The following ADGRL2 variants were observed in gnomAD, a reference collection of about 807,000 sequenced individuals.
ADGRL2 encodes adhesion G protein-coupled receptor L2.
Under a neutral mutation model 157.4 loss-of-function variants are expected in ADGRL2, and 44 were observed. The observed-to-expected ratio is 0.28, with a 90% CI of 0.22 to 0.36. The LOEUF is 0.36. Ranked by LOEUF, ADGRL2 falls within the 10% of genes least tolerant of loss-of-function variation. The pLI is 1.00. For synonymous variants in ADGRL2, 585 were observed against 624.7 expected (o/e 0.94, Z 0.95); for missense variants, 1,510 against 1,768.9 (o/e 0.85, Z 2.63).
At chr1:81,696,795 A>G (rs1416825850), upstream of ADGRL2, among the ~76,000 whole-genome samples, 1 of 152,130 alleles carries the variant, frequency 6.6e-6, no homozygotes, top group African/African-American at 2.4e-5. Context: ...AGAGGAGTTG[A>G]TGTTAACTCG....
intron 2 of ADGRL2, among the ~76,000 whole-genome samples, chr1:81,901,759 T>C (rs2094491899): frequency 6.6e-6 from 1 of 152,178 alleles, no homozygotes. Context: ...TATTAAAGGC[T>C]TTTCAAAGTT....
chr1:81,589,636 A>G (rs2081093942), intron 3 of ADGRL2, among the ~76,000 whole-genome samples: 1 of 152,216 alleles, frequency 6.6e-6, no homozygotes, highest in South Asian at 2.1e-4. Flanking sequence ...GTGCAGATAG[A>G]GGACCTTCAC....
chr1:81,987,262 G>A (rs371107201), intron 22 of ADGRL2: 1 of 1,572,318 alleles, frequency 6.4e-7, no homozygotes, highest in Non-Finnish European at 8.7e-7. Flanking sequence ...TAACACAGGT[G>A]GCATAAATCT....
chr1:81,691,626 G>T (rs779668858), intron 3 of ADGRL2, among the ~76,000 whole-genome samples: 18 of 151,744 alleles, frequency 1.2e-4, no homozygotes, highest in Non-Finnish European at 1.9e-4. Context: ...AGCCTCTCGA[G>T]TAGCTGGGAT....
chr1:81,866,840 T>C (rs1278322057), intron 2 of ADGRL2, among the ~76,000 whole-genome samples: 1 of 152,138 alleles, frequency 6.6e-6, no homozygotes, highest in East Asian at 1.9e-4. Flanking sequence ...GAAACTAATC[T>C]CTGATATTTG....
chr1:81,487,701 C>T (rs967915349), intron 2 of ADGRL2, among the ~76,000 whole-genome samples: 2 of 151,802 alleles, frequency 1.3e-5, no homozygotes, highest in Admixed American at 1.3e-4. Context: ...TACTGAAGTA[C>T]AAAGAAGCTA....
Position 81,986,991 on chromosome 1 carries a change from T to C in ADGRL2, c.3599T>C (p.Val1200Ala). The C allele has an allele frequency of 5.0e-6, 8 of 1,611,856 alleles. No homozygotes were observed. The highest frequency in any genetic ancestry group is 5.9e-6 in the Non-Finnish European group (7 of 1,179,276). Residue 1200 changes from valine to alanine, a missense_variant, in exon 22 of 24, where the codon GTA (valine) becomes GCA (alanine). By Grantham distance (64) the Val-to-Ala change is moderately conservative. Around this residue, in one of 4 missense-constraint regions of ADGRL2, gnomAD observed 497 missense variants for 627.2 expected, o/e 0.79. Coordinates refer to ENST00000686636, the MANE Select transcript of ADGRL2 (RefSeq NM_001366006.2). Reference protein sequence around the residue: ...PYNTLLAETVVCNAPSAPVFN... With the variant: ...PYNTLLAETVACNAPSAPVFN... ...AACACATTGCTCGCTGAAACAGTTG[T>C]ATGTAATGCCCCTTCAGCTCCTGTA... is the stretch of plus-strand genomic sequence containing the variant.
upstream of ADGRL2, among the ~76,000 whole-genome samples, chr1:81,695,503 G>T (rs1163709749): frequency 6.6e-6 from 1 of 152,080 alleles, no homozygotes. Flanking sequence ...ATTAGCACAC[G>T]GCTGAGGCAG....
At chr1:81,319,216 G>A (rs1485541158) in intron 1 of ADGRL2, among the ~76,000 whole-genome samples, 7 of 151,620 alleles carry the variant, frequency 4.6e-5, no homozygotes, top group African/African-American at 1.7e-4. Flanking sequence ...CAAAGTGCTG[G>A]GATTACAGGC....
intron 2 of ADGRL2, among the ~76,000 whole-genome samples, chr1:81,477,761 G>A (rs1326142987): frequency 6.6e-6 from 1 of 152,136 alleles, no homozygotes; most frequent in African/African-American, 2.4e-5. Context: ...CTTTGGTAAC[G>A]AAAAGCTAGA....
intron 1 of ADGRL2, among the ~76,000 whole-genome samples, chr1:81,335,914 G>C (rs1481953434): frequency 1.3e-5 from 2 of 151,818 alleles, no homozygotes; most frequent in African/African-American, 4.8e-5. Context: ...CCCTTGCAGT[G>C]CTTAGTGGAA....
At chr1:81,596,578 G>C in intron 3 of ADGRL2, 1 of 268,420 alleles carries the variant, frequency 3.7e-6, no homozygotes, top group South Asian at 4.3e-5. Context: ...GAGAAGGAGC[G>C]GGCGGATCAG....
chr1:81,772,784 T>C (rs1378152372), intron 2 of ADGRL2, among the ~76,000 whole-genome samples: 1 of 152,006 alleles, frequency 6.6e-6, no homozygotes, highest in Admixed American at 6.6e-5. Flanking sequence ...AACAAACAAG[T>C]AAATATTGTA....
intron 3 of ADGRL2, among the ~76,000 whole-genome samples, chr1:81,924,803 A>G (rs1275032093): frequency 1.3e-5 from 2 of 151,986 alleles, no homozygotes; most frequent in Admixed American, 1.3e-4. Context: ...CCATTCTATT[A>G]AGCAGGATTT....
intron 1 of ADGRL2, among the ~76,000 whole-genome samples, chr1:81,429,818 G>C (rs1026632651): frequency 2.6e-5 from 4 of 152,216 alleles, no homozygotes; most frequent in African/African-American, 9.6e-5. Context: ...AGGAAAGGAG[G>C]TGAAGAAAAG....
At chr1:81,608,020 A>G (rs2081468641) in intron 3 of ADGRL2, among the ~76,000 whole-genome samples, 1 of 152,198 alleles carries the variant, frequency 6.6e-6, no homozygotes. Flanking sequence ...AGGGCCAAGG[A>G]AAGGAAGCAT....
At position 81,454,976 on chromosome 1, in the gene ADGRL2, T is replaced by G. The variant is rs115255708; in HGVS notation, c.-248+9887T>G. ...AACGACAAATTCAAGACCATAGGTGTAAGGCCAGCAAGCCCAAAGATCCGT... is the reference window on the plus strand; with the variant it reads ...AACGACAAATTCAAGACCATAGGTGGAAGGCCAGCAAGCCCAAAGATCCGT... On this transcript the variant is annotated intron_variant, in intron 2 of 24. Coordinates refer to the ADGRL2 transcript ENST00000370721. 4.3e-3 allele frequency among the ~76,000 whole-genome samples: 655 copies of G among 152,310 alleles called. 6 individuals are homozygous for G. Among genetic ancestry groups the G allele is most frequent in the African/African-American group, 0.015 (618 of 41,566 alleles).
rs1316629849 is a variant in ADGRL2 at position 81,329,431 on chromosome 1, G to T, written c.-302+22922G>T. ...AAGCTGCTACACAGGAAGAGGAGAAGAATAAATATTAGGTGAACAATTAAT... is the reference window on the plus strand; with the variant it reads ...AAGCTGCTACACAGGAAGAGGAGAATAATAAATATTAGGTGAACAATTAAT... On this transcript the variant is annotated intron_variant, in intron 1 of 24. Coordinates refer to the ADGRL2 transcript ENST00000370721. Among the ~76,000 whole-genome samples the T allele has an allele frequency of 3.3e-5, 5 of 152,254 alleles. No individual in the cohort carries two copies. The East Asian group carries it at 7.7e-4, about 23-fold the overall frequency.
intron 3 of ADGRL2, among the ~76,000 whole-genome samples, chr1:81,663,670 T>C (rs141485936): frequency 6.6e-6 from 1 of 152,304 alleles, no homozygotes; most frequent in Non-Finnish European, 1.5e-5. Context: ...TTAGGCCTGA[T>C]TGATTACAAG....
Sources: allele counts gnomAD v4.1 joint callset (sites outside exome capture counted in the v4.1 genomes callset), GRCh38; gene constraint gnomAD v4.1.1; regional missense constraint gnomAD v4.1.1; transcripts MANE v1.5; gene names NCBI Gene and HGNC (gene_info 2026-07-23, HGNC 2026-07-21).